Variants in MATR3 observed in about 807,000 individuals in gnomAD.
MATR3 encodes the protein matrin 3, also known as matrin-3.
Under a neutral mutation model 85.5 loss-of-function variants are expected in MATR3, and 4 were observed. The ratio of observed to expected loss-of-function variants is 0.05; its 90% CI spans 0.02 to 0.11. The LOEUF (loss-of-function observed/expected upper bound fraction) is 0.11, where lower values mean the gene tolerates loss of function less well. Among genes scored for constraint, MATR3 ranks in the 10% least tolerant of loss-of-function variants. The probability of loss-of-function intolerance (pLI) is 1.00; values close to 1 mark genes in which losing one functional copy is unlikely to be tolerated. For missense variants in MATR3, 685 were observed against 1,016.1 expected (o/e 0.67, Z 4.43); for synonymous variants, 336 against 343.1 (o/e 0.98, Z 0.23).
At chr5:139,295,976 A>G (rs1456441887) in intron 1 of MATR3, among the ~76,000 whole-genome samples, 1 of 152,108 alleles carries the variant, frequency 6.6e-6, no homozygotes, top group Non-Finnish European at 1.5e-5. Context: ...GGCGCGCGCC[A>G]CCACACCAAG....
intron 9 of MATR3, among the ~76,000 whole-genome samples, chr5:139,320,161 T>G (rs528848654): frequency 1.3e-5 from 2 of 151,572 alleles, no homozygotes; most frequent in Admixed American, 6.6e-5. Flanking sequence ...ACAAAAAAAT[T>G]AGCTGGGCGT....
Position 139,307,917 on chromosome 5 carries a change from G to A in MATR3, c.502G>A (p.Glu168Lys). Residue 168 changes from glutamate (E) to lysine (K), a missense_variant, in exon 2 of 15, where the codon GAG becomes AAG. Around this residue, in one of 9 missense-constraint regions of MATR3, gnomAD observed 223 missense variants for 334.4 expected, o/e 0.67. Coordinates refer to ENST00000394805, the MANE Select transcript of MATR3 (RefSeq NM_018834.6). This position sits in a 1 kb window ranked among gnomAD's most constrained non-coding sequence, Gnocchi z 4.4. ...YGRDGRSATR[E>K]PPYRVPRDDW... Reference sequence around the variant, plus strand: ...TAGAGATGGCAGATCTGCTACACGGGAGCCACCATACAGAGTACCTAGGGA... The same window carrying A: ...TAGAGATGGCAGATCTGCTACACGGAAGCCACCATACAGAGTACCTAGGGA... 6.2e-7 allele frequency: 1 copy of A among 1,614,036 alleles called. No homozygotes were observed. Among genetic ancestry groups the A allele is most frequent in the Non-Finnish European group, 8.5e-7 (1 of 1,180,002 alleles).
upstream of MATR3, among the ~76,000 whole-genome samples, chr5:139,289,076 C>T (rs1050344181): frequency 1.3e-5 from 2 of 152,232 alleles, no homozygotes; most frequent in Non-Finnish European, 1.5e-5. Context: ...GCCACCACAC[C>T]CGGCCAACAT....
chr5:139,278,275 T>C (rs1753373785), intron 2 of MATR3: 1 of 452,892 alleles, frequency 2.2e-6, no homozygotes, highest in Non-Finnish European at 4.4e-6. Flanking sequence ...TGCATTGCTA[T>C]TTATTATATT....
At chr5:139,288,293 T>C (rs1361719616) in intron 3 of MATR3, among the ~76,000 whole-genome samples, 2 of 114,660 alleles carry the variant, frequency 1.7e-5, no homozygotes, top group African/African-American at 5.4e-5. Flanking sequence ...GCACCTGTTA[T>C]ATTTCTTTTG....
rs1176061723 is a variant in MATR3, at chr5:139,315,820, A to T, written c.1016+82A>T. On this transcript the variant is annotated intron_variant, in intron 4 of 14. Coordinates refer to ENST00000394805, the MANE Select transcript of MATR3 (RefSeq NM_018834.6). ...GTTTCACTTTCAACATTTCATAAACAAAGTATTTTCAGAATTTCTTTACTG... is the reference window on the plus strand; with the variant it reads ...GTTTCACTTTCAACATTTCATAAACTAAGTATTTTCAGAATTTCTTTACTG... 4.2e-6 allele frequency: 5 copies of T among 1,187,614 alleles called. No individual in the cohort carries two copies. The African/African-American group carries it at 7.6e-5, about 18-fold the overall frequency. The allele number at this position is 1,187,614 out of a possible 1,614,324, so 73.6% of individuals were successfully genotyped here. A position where few individuals can be genotyped will look rare whatever the true frequency, so the allele number is the denominator to read the frequency against.
intron 1 of MATR3, among the ~76,000 whole-genome samples, chr5:139,302,204 C>G (rs2151946216): frequency 6.6e-6 from 1 of 152,272 alleles, no homozygotes; most frequent in South Asian, 2.1e-4. Flanking sequence ...CTCAGGTAAT[C>G]TGCCCGCCTC....
chr5:139,283,323 G>A (rs1753598640), intron 3 of MATR3: 1 of 152,234 alleles, frequency 6.6e-6, no homozygotes, highest in Non-Finnish European at 1.5e-5. Context: ...TTCTCCTGGA[G>A]AGAACTCTAG....
intron 1 of MATR3, among the ~76,000 whole-genome samples, chr5:139,295,264 C>G (rs1272186303): frequency 6.6e-6 from 1 of 152,132 alleles, no homozygotes; most frequent in Non-Finnish European, 1.5e-5. Context: ...TTGACATTTT[C>G]GTTGCAAAAA....
intron 2 of MATR3, 93 bp from the exon 3 acceptor site, chr5:139,314,582 C>A: frequency 1.0e-6 from 1 of 958,468 alleles, no homozygotes; most frequent in South Asian, 1.3e-5. Flanking sequence ...GCCTATGATA[C>A]TGCATAGACA....
intron 1 of MATR3, chr5:139,294,055 G>A (rs960800389): frequency 3.7e-5 from 46 of 1,251,742 alleles, no homozygotes; most frequent in Non-Finnish European, 4.6e-5. Context: ...GGAAACACGC[G>A]GCCGGCCAAG....
chr5:139,285,327 T>C (rs1166253043), intron 3 of MATR3: 2 of 152,214 alleles, frequency 1.3e-5, no homozygotes, highest in African/African-American at 4.8e-5. Context: ...GAACAAAACA[T>C]AGTCTTTTAG....
At chr5:139,285,726 T>A (rs1258969425) in intron 3 of MATR3, among the ~76,000 whole-genome samples, 1 of 152,020 alleles carries the variant, frequency 6.6e-6, no homozygotes, top group Non-Finnish European at 1.5e-5. Flanking sequence ...AATATGAAGT[T>A]CAACAAACAG....
rs768955471 is a variant in MATR3, at chr5:139,293,820, G to C, written c.-178+15G>C. On this transcript the variant is annotated intron_variant, in intron 1 of 14. Transcript: ENST00000394805. ...CTTTCCCTAAGGTAGGCGTGAAGCG[G>C]GTAAGAGTCGGGGTCGGGTGGCTGG... 64 of 413,538 alleles carry C rather than the reference G, an allele frequency of 1.5e-4. No homozygotes were observed. Among genetic ancestry groups the C allele is most frequent in the Admixed American group, 3.5e-4 (8 of 22,674 alleles). 25.6% of individuals were successfully genotyped at this position (413,538 alleles called of 1,614,324 possible). A position where few individuals can be genotyped will look rare whatever the true frequency, so the allele number is the denominator to read the frequency against.
chr5:139,319,149 C>T (rs1311888338), intron 8 of MATR3, 116 bp downstream of exon 8: 2 of 1,332,390 alleles, frequency 1.5e-6, no homozygotes, highest in South Asian at 1.2e-5. Flanking sequence ...CGCCTGTAAT[C>T]CCAGCACCTT....
At position 139,307,527 on chromosome 5, in the gene MATR3, A is replaced by G; in HGVS notation, c.112A>G (p.Met38Val). ...LLAAATQSLS[M>V]PASLGRMNQG... ...TGCTGCTGCTACCCAGTCTTTAAGT[A>G]TGCCAGCATCTCTTGGAAGGATGAA... The change falls in exon 2 of 15, where the codon ATG becomes GTG. Residue 38 changes from methionine (M) to valine (V), a missense_variant. By Grantham distance (21) the Met-to-Val change is conservative. Transcript: ENST00000394805. This position sits in a 1 kb window ranked among gnomAD's most constrained non-coding sequence, Gnocchi z 4.4. The G allele has an allele frequency of 1.2e-6, 2 of 1,614,134 alleles. No individual in the cohort carries two copies. Among genetic ancestry groups the G allele is most frequent in the Non-Finnish European group, 1.7e-6 (2 of 1,180,012 alleles).
upstream of MATR3, among the ~76,000 whole-genome samples, chr5:139,290,581 G>A (rs984690817): frequency 1.3e-5 from 2 of 150,442 alleles, no homozygotes; most frequent in Non-Finnish European, 3.0e-5. Context: ...CGGAGTAGCT[G>A]GGACTACAGG....
rs201970174 is a variant in MATR3, at chr5:139,322,933, G to T, written c.2114G>T (p.Ser705Ile). Residue 705 changes from serine to isoleucine, a missense_variant, in exon 12 of 15, where the codon AGT (serine) becomes ATT (isoleucine). By Grantham distance (142) the Ser-to-Ile change is moderately radical. This residue lies in a region of MATR3 where 215 missense variants were observed against 194.7 expected (regional missense o/e 1.10). Transcript: ENST00000394805. The stretch of plus-strand genomic sequence containing the variant: ...GATAAAGCTGTGAAAAAAGATGGAA[G>T]TGCTTCAGCAGCAGCAAAGAAAAAG... ...PSDKAVKKDG[S>I]ASAAAKKKLK... 52 of 1,613,834 alleles carry T rather than the reference G, an allele frequency of 3.2e-5. No homozygotes were observed. Among genetic ancestry groups the T allele is most frequent in the South Asian group, 1.1e-5 (1 of 91,068 alleles).
At chr5:139,320,198 G>T (rs1182482965) in intron 9 of MATR3, among the ~76,000 whole-genome samples, 2 of 151,244 alleles carry the variant, frequency 1.3e-5, no homozygotes, top group Non-Finnish European at 3.0e-5. Context: ...TGTCCCAGCT[G>T]TTGGGGAGGC....
Sources: allele counts gnomAD v4.1 joint callset (sites outside exome capture counted in the v4.1 genomes callset), GRCh38; gene constraint gnomAD v4.1.1; regional missense constraint gnomAD v4.1.1; non-coding constraint Gnocchi (gnomAD v3.1); transcripts MANE v1.5; gene names NCBI Gene and HGNC (gene_info 2026-07-23, HGNC 2026-07-21).